Variants in USP34 observed in about 807,000 individuals in gnomAD.
USP34 encodes ubiquitin carboxyl-terminal hydrolase 34.
In USP34, 70 loss-of-function variants were observed where a neutral mutation model predicts 460.3. The ratio of observed to expected loss-of-function variants is 0.15; its 90% CI spans 0.13 to 0.19. The LOEUF (loss-of-function observed/expected upper bound fraction) is 0.19, where lower values mean the gene tolerates loss of function less well. Among genes scored for constraint, USP34 ranks in the 10% least tolerant of loss-of-function variants. The probability of loss-of-function intolerance (pLI) is 1.00; values close to 1 mark genes in which losing one functional copy is unlikely to be tolerated. For synonymous variants in USP34, 1,647 were observed against 1,405.3 expected, an observed-to-expected ratio of 1.17 and a Z score of -3.85; for missense variants, 3,985 against 4,236.2, an observed-to-expected ratio of 0.94 and a Z score of 1.65.
At chr2:61,377,578 A>T (rs950619819) in intron 8 of USP34, among the ~76,000 whole-genome samples, 2 of 152,088 alleles carry the variant, frequency 1.3e-5, no homozygotes, top group African/African-American at 4.8e-5. Flanking sequence ...AGACCTCTCT[A>T]CCTCTTTCCA....
At position 61,341,599 on chromosome 2, in the gene USP34, G is replaced by T. The variant is rs561810888; in HGVS notation, c.2501-1918C>A. Reference sequence around the variant, plus strand: ...AACCCCCCGTTTCCACTTCTGCCATGAGACCCCTGCTCCCCCTTCACATTC... The same window carrying T: ...AACCCCCCGTTTCCACTTCTGCCATTAGACCCCTGCTCCCCCTTCACATTC... On this transcript the variant is annotated intron_variant, in intron 16 of 79. Coordinates refer to ENST00000398571, the MANE Select transcript of USP34 (RefSeq NM_014709.4). Among the ~76,000 whole-genome samples, 116 of 151,778 alleles carry T rather than the reference G, an allele frequency of 7.6e-4. 1 individual carries two copies. Among genetic ancestry groups the T allele is most frequent in the African/African-American group, 2.5e-3 (103 of 41,378 alleles).
intron 58 of USP34, among the ~76,000 whole-genome samples, chr2:61,231,521 T>C (rs1477184126): frequency 6.6e-6 from 1 of 152,072 alleles, no homozygotes; most frequent in Non-Finnish European, 1.5e-5. Context: ...GAGACCAGCC[T>C]AGGCAACAGG....
chr2:61,347,887 ATGGTGGTGG>A lies in USP34; in HGVS notation c.2259_2267del (p.His758_His760del), dbSNP rs754455063. On this transcript the variant is annotated inframe_deletion, in exon 15 of 80. Coordinates refer to ENST00000398571, the MANE Select transcript of USP34 (RefSeq NM_014709.4). ...AGGCTTACCCATCGTGGTGGTGGTG[ATGGTGGTGG>A]TGGTGGTGGTGATGCTGTGGACCAA... The A allele has an allele frequency of 4.5e-5, 73 of 1,612,024 alleles. No homozygotes were observed. Among genetic ancestry groups the A allele is most frequent in the Middle Eastern group, 3.3e-4 (2 of 6,074 alleles).
chr2:61,388,764 A>AATAT (rs56090495), intron 5 of USP34, among the ~76,000 whole-genome samples: 4,911 of 149,052 alleles, frequency 0.033, 115 homozygotes, highest in Middle Eastern at 0.059. Flanking sequence ...TCAGAAAAAG[A>AATAT]ATATATATAT....
At chr2:61,189,340 T>G in intron 78 of USP34, 1 of 256,552 alleles carries the variant, frequency 3.9e-6, no homozygotes, top group Non-Finnish European at 7.3e-6. Flanking sequence ...TGGTGTAATC[T>G]CGGCTCGCTG....
At chr2:61,295,875 G>A (rs1690010804) in intron 30 of USP34, among the ~76,000 whole-genome samples, 1 of 152,176 alleles carries the variant, frequency 6.6e-6, no homozygotes, top group African/African-American at 2.4e-5. Context: ...CCTAGAATTA[G>A]TATAACATTA....
intron 39 of USP34, among the ~76,000 whole-genome samples, chr2:61,278,651 AC>A (rs1201361772): frequency 2.0e-5 from 3 of 152,190 alleles, no homozygotes; most frequent in Non-Finnish European, 4.4e-5. Context: ...CTACAAAAAA[AC>A]AATCAATGGA....
At position 61,190,620 on chromosome 2, in the gene USP34, T is replaced by C; in HGVS notation, c.9627A>G (p.Glu3209=). Residue 3209 remains glutamate (E), a synonymous_variant, in exon 77 of 80, where the codon GAA becomes GAG. Transcript: ENST00000398571. ...TAATATATTCTGCGAAAACAGGATC[T>C]TCACACAAAAGCTTGATGCAGTTTT... ...MSKNCIKLLC[E]DPVFAEYIKC... is the part of the protein sequence containing the mutation. 6.2e-7 allele frequency: 1 copy of C among 1,614,002 alleles called. No individual in the cohort carries two copies. Among genetic ancestry groups the C allele is most frequent in the Non-Finnish European group, 8.5e-7 (1 of 1,179,960 alleles).
chr2:61,430,840 C>T (rs1361509021), intron 1 of USP34, among the ~76,000 whole-genome samples: 1 of 151,898 alleles, frequency 6.6e-6, no homozygotes, highest in African/African-American at 2.4e-5. Flanking sequence ...CCCTTCGCTA[C>T]AAAAAATAAA....
At chr2:61,271,793 T>C (rs1418020389) in intron 41 of USP34, among the ~76,000 whole-genome samples, 1 of 152,226 alleles carries the variant, frequency 6.6e-6, no homozygotes, top group East Asian at 1.9e-4. Flanking sequence ...ATATTTATCA[T>C]GTTTCTTTAT....
intron 1 of USP34, among the ~76,000 whole-genome samples, chr2:61,469,439 G>A (rs1439904614): frequency 6.6e-6 from 1 of 152,112 alleles, no homozygotes; most frequent in Non-Finnish European, 1.5e-5. Flanking sequence ...AAAATTCTAG[G>A]ATAATTTAGG....
At chr2:61,429,372 A>G (rs531593036) in intron 1 of USP34, among the ~76,000 whole-genome samples, 121 of 152,248 alleles carry the variant, frequency 7.9e-4, no homozygotes, top group African/African-American at 2.8e-3. Context: ...GCATGAACCC[A>G]GGAGGCAGAC....
At chr2:61,198,410 A>AT (rs1344778868) in intron 75 of USP34, among the ~76,000 whole-genome samples, 5 of 152,208 alleles carry the variant, frequency 3.3e-5, no homozygotes, top group African/African-American at 1.2e-4. Context: ...GTTTTTACCC[A>AT]TTACAACCAA....
At chr2:61,261,526 T>G (rs1688878601) in intron 43 of USP34, among the ~76,000 whole-genome samples, 1 of 152,116 alleles carries the variant, frequency 6.6e-6, no homozygotes, top group South Asian at 2.1e-4. Context: ...GAGTTAAGTG[T>G]TTAACAAGTT....
In USP34 at chr2:61,342,761, T is replaced by C. The variant is rs111736332; in HGVS notation, c.2500+1054A>G. 6.0e-3 allele frequency among the ~76,000 whole-genome samples: 907 copies of C among 152,330 alleles called. 12 individuals carry two copies. The highest frequency in any genetic ancestry group is 0.034 in the Middle Eastern group (10 of 294). ...GGTAGATTTGGAAAGCATTAACATATACTATCATTTTATTCTGTCTACAAT... is the reference window on the plus strand; with the variant it reads ...GGTAGATTTGGAAAGCATTAACATACACTATCATTTTATTCTGTCTACAAT... On this transcript the variant is annotated intron_variant, in intron 16 of 79. Transcript: ENST00000398571.
intron 10 of USP34, among the ~76,000 whole-genome samples, chr2:61,362,424 T>C (rs1429603552): frequency 6.6e-6 from 1 of 152,186 alleles, no homozygotes; most frequent in East Asian, 1.9e-4. Flanking sequence ...TTTCCACAGA[T>C]GAATAGACAA....
chr2:61,187,809 C>T lies in USP34; in HGVS notation c.*293G>A, dbSNP rs1686479406. ...TAAGTTTAAATTACATTGTACAGGG[C>T]TAGGCAACCCTGTTCTTCCCAGACA... On this transcript the variant is annotated 3_prime_UTR_variant, in exon 80 of 80. Transcript: ENST00000398571. The T allele has an allele frequency of 1.0e-6, 1 of 969,312 alleles. No individual in the cohort carries two copies. The highest frequency in any genetic ancestry group is 1.4e-6 in the Non-Finnish European group (1 of 740,390). 60.0% of individuals were successfully genotyped at this position (969,312 alleles called of 1,614,324 possible). A position where few individuals can be genotyped will look rare whatever the true frequency, so the allele number is the denominator to read the frequency against.
intron 1 of USP34, among the ~76,000 whole-genome samples, chr2:61,469,196 A>C (rs1695872160): frequency 6.6e-6 from 1 of 152,160 alleles, no homozygotes; most frequent in South Asian, 2.1e-4. Context: ...AACAAGAGCA[A>C]AACTCTGTCT....
In USP34 at chr2:61,421,808, C is replaced by T. The variant is rs957078353; in HGVS notation, c.44-975G>A. Among the ~76,000 whole-genome samples the T allele has an allele frequency of 2.6e-5, 4 of 152,244 alleles. No individual in the cohort carries two copies. In the South Asian group the frequency reaches 6.2e-4, roughly 24 times the overall value. On this transcript the variant is annotated intron_variant, in intron 1 of 79. Coordinates refer to ENST00000398571, the MANE Select transcript of USP34 (RefSeq NM_014709.4). ...ACACACACACACACACGCGCGCGCGCGCACCTTCTACTTAATCAGACTACA... is the reference window on the plus strand; with the variant it reads ...ACACACACACACACACGCGCGCGCGTGCACCTTCTACTTAATCAGACTACA...
Sources: gnomAD v4.1 joint callset for allele counts (sites outside exome capture counted in the v4.1 genomes callset) on GRCh38, gnomAD v4.1.1 for gene constraint, MANE v1.5 for transcripts, NCBI Gene and HGNC (gene_info 2026-07-23, HGNC 2026-07-21) for gene names.